Variants in NDST3 observed in about 807,000 individuals in gnomAD.
NDST3 encodes bifunctional heparan sulfate N-deacetylase/N-sulfotransferase 3.
A neutral mutation model predicts 96.1 loss-of-function variants in NDST3; 58 were observed. The ratio of observed to expected loss-of-function variants is 0.60; its 90% CI spans 0.49 to 0.75. The LOEUF is 0.75. Ranked by LOEUF, NDST3 falls within the 30% of genes least tolerant of loss-of-function variation. The probability of loss-of-function intolerance (pLI) is 0.00; values close to 1 mark genes in which losing one functional copy is unlikely to be tolerated. For synonymous variants in NDST3, 333 were observed against 359.7 expected, an observed-to-expected ratio of 0.93 and a Z score of 0.84; for missense variants, 788 against 1,034.2, an observed-to-expected ratio of 0.76 and a Z score of 3.27.
intron 2 of NDST3, among the ~76,000 whole-genome samples, chr4:118,090,933 A>G (rs1461518328): frequency 2.6e-5 from 4 of 151,876 alleles, no homozygotes; most frequent in Admixed American, 6.6e-5. Context: ...TACAAATTAA[A>G]CAAAAAACTT....
chr4:118,150,166 T>A (rs1734284533), intron 6 of NDST3, among the ~76,000 whole-genome samples: 1 of 152,102 alleles, frequency 6.6e-6, no homozygotes, highest in African/African-American at 2.4e-5. Flanking sequence ...GCCAGTATTT[T>A]ATTGAGGATT....
chr4:118,254,323 T>A (rs1741974244), intron 13 of NDST3, among the ~76,000 whole-genome samples: 1 of 152,060 alleles, frequency 6.6e-6, no homozygotes, highest in Non-Finnish European at 1.5e-5. Flanking sequence ...TGGGCAGTAA[T>A]GTAAGTTACT....
chr4:118,253,173 A>T lies in NDST3; in HGVS notation c.2400-326A>T, dbSNP rs150686214. On this transcript the variant is annotated intron_variant, in intron 12 of 13. Transcript: ENST00000296499. ...GACTTGTTTTTAAACCCAAAAAAAA[A>T]TTTGAATATTTATGCATTTTTTCCT... 5.2e-3 allele frequency among the ~76,000 whole-genome samples: 785 copies of T among 152,298 alleles called. 6 individuals carry two copies. Among genetic ancestry groups the T allele is most frequent in the African/African-American group, 0.018 (743 of 41,566 alleles).
intron 9 of NDST3, among the ~76,000 whole-genome samples, chr4:118,235,103 G>A (rs1213472694): frequency 6.7e-6 from 1 of 149,908 alleles, no homozygotes; most frequent in Non-Finnish European, 1.5e-5. Context: ...AATAAATGTG[G>A]AGTATTGCAA....
At chr4:118,057,779 G>C (rs894337543) in intron 2 of NDST3, among the ~76,000 whole-genome samples, 1 of 152,020 alleles carries the variant, frequency 6.6e-6, no homozygotes, top group Non-Finnish European at 1.5e-5. Flanking sequence ...TTGACTAAGG[G>C]GGTCAAGATG....
chr4:118,074,773 C>A (rs1311760741), intron 2 of NDST3, among the ~76,000 whole-genome samples: 2 of 151,936 alleles, frequency 1.3e-5, no homozygotes, highest in African/African-American at 4.8e-5. Context: ...AAATTTGATC[C>A]TCTCATTGTG....
At chr4:118,190,730 C>G (rs760461191) in intron 6 of NDST3, among the ~76,000 whole-genome samples, 1 of 152,150 alleles carries the variant, frequency 6.6e-6, no homozygotes, top group Non-Finnish European at 1.5e-5. Flanking sequence ...TGCATAGTTG[C>G]TGGTCTAGGC....
At chr4:118,192,549 C>G (rs1369303352) in intron 6 of NDST3, among the ~76,000 whole-genome samples, 2 of 152,000 alleles carry the variant, frequency 1.3e-5, no homozygotes, top group African/African-American at 4.8e-5. Context: ...TGTCTTTTCC[C>G]CAGTGTATGT....
intron 5 of NDST3, 139 bp from the exon 6 acceptor site, chr4:118,143,417 A>G (rs751242927): frequency 2.6e-6 from 2 of 757,352 alleles, no homozygotes; most frequent in Non-Finnish European, 4.2e-6. Flanking sequence ...TGCCTAGAGT[A>G]TGATAGATTG....
At chr4:118,220,714 C>G (rs1169599406) in intron 6 of NDST3, among the ~76,000 whole-genome samples, 7 of 152,018 alleles carry the variant, frequency 4.6e-5, no homozygotes, top group Admixed American at 2.0e-4. Flanking sequence ...AACATCACCA[C>G]ACATCTGTCA....
Position 118,126,034 on chromosome 4 carries a change from C to T in NDST3, c.1224+11074C>T, listed in dbSNP as rs112016683. 4.6e-5 allele frequency among the ~76,000 whole-genome samples: 7 copies of T among 152,144 alleles called. 1 individual carries two copies. The highest frequency in any genetic ancestry group is 1.4e-4 in the African/African-American group (6 of 41,544). On this transcript the variant is annotated intron_variant, in intron 4 of 13. Transcript: ENST00000296499. Reference sequence around the variant, plus strand: ...CAGTGATTGCGGCTACTACAGGACTCCTTCCACAGGTGCCAGAGGTTCCAC... The same window carrying T: ...CAGTGATTGCGGCTACTACAGGACTTCTTCCACAGGTGCCAGAGGTTCCAC...
intron 2 of NDST3, among the ~76,000 whole-genome samples, chr4:118,078,369 G>T (rs1261338021): frequency 6.6e-6 from 1 of 152,148 alleles, no homozygotes; most frequent in Non-Finnish European, 1.5e-5. Context: ...AGACTGAAAG[G>T]CTTCTCATCA....
Position 118,065,993 on chromosome 4 carries a change from G to A in NDST3, c.981+11102G>A, listed in dbSNP as rs139246761. On this transcript the variant is annotated intron_variant, in intron 2 of 13. Transcript: ENST00000296499. Reference sequence around the variant, plus strand: ...TGTAGAAATTAGACCAACTTGTTGAGGCACTGAACAAAGATCTATCCTCAA... The same window carrying A: ...TGTAGAAATTAGACCAACTTGTTGAAGCACTGAACAAAGATCTATCCTCAA... Among the ~76,000 whole-genome samples the A allele has an allele frequency of 7.2e-4, 102 of 141,936 alleles. 1 individual carries two copies. Among genetic ancestry groups the A allele is most frequent in the Non-Finnish European group, 1.3e-3 (87 of 66,442 alleles). The allele number at this position is 141,936 out of a possible 152,430, so 93.1% of individuals were successfully genotyped here.
At chr4:118,251,129 T>G (rs1476446066) in intron 12 of NDST3, among the ~76,000 whole-genome samples, 1 of 110,386 alleles carries the variant, frequency 9.1e-6, no homozygotes, top group Non-Finnish European at 1.9e-5. Context: ...ATTTTTATTT[T>G]ATTTTTTTTT....
chr4:118,057,349 TC>T (rs1411511644), intron 2 of NDST3, among the ~76,000 whole-genome samples: 1 of 152,016 alleles, frequency 6.6e-6, no homozygotes, highest in Non-Finnish European at 1.5e-5. Flanking sequence ...GCAGAGCATT[TC>T]ACAGGTAGTT....
At chr4:118,231,166 T>C (rs973621879) in intron 8 of NDST3, among the ~76,000 whole-genome samples, 1 of 151,748 alleles carries the variant, frequency 6.6e-6, no homozygotes, top group Admixed American at 6.6e-5. Context: ...TGAAACCCCG[T>C]CTCTACTAAA....
Position 118,053,861 on chromosome 4 carries a change from T to C in NDST3, c.-50T>C. 1 of 1,522,752 alleles carries C rather than the reference T, an allele frequency of 6.6e-7. No individual in the cohort carries two copies. The highest frequency in any genetic ancestry group is 8.8e-7 in the Non-Finnish European group (1 of 1,139,626). The allele number at this position is 1,522,752 out of a possible 1,614,324, so 94.3% of individuals were successfully genotyped here. A position where few individuals can be genotyped will look rare whatever the true frequency, so the allele number is the denominator to read the frequency against. The stretch of plus-strand genomic sequence containing the variant: ...GTAGCTGGAACACCATCTTTTCTTT[T>C]AACTTTTTATGGTGCTTCTGTTGGC... On this transcript the variant is annotated 5_prime_UTR_variant, in exon 2 of 14. Coordinates refer to ENST00000296499, the MANE Select transcript of NDST3 (RefSeq NM_004784.3).
intron 6 of NDST3, among the ~76,000 whole-genome samples, chr4:118,220,052 C>T (rs1248945706): frequency 6.6e-6 from 1 of 152,084 alleles, no homozygotes; most frequent in Non-Finnish European, 1.5e-5. Context: ...TTGTGGAAGA[C>T]AGTGTGGCAA....
chr4:118,136,973 T>G (rs191613824), intron 4 of NDST3, among the ~76,000 whole-genome samples: 1 of 152,282 alleles, frequency 6.6e-6, no homozygotes, highest in East Asian at 1.9e-4. Context: ...GGCAAGCTGT[T>G]TTCTTTCTGC....
Sources: gnomAD v4.1 joint callset for allele counts (sites outside exome capture counted in the v4.1 genomes callset) on GRCh38, gnomAD v4.1.1 for gene constraint, MANE v1.5 for transcripts, NCBI Gene and HGNC (gene_info 2026-07-23, HGNC 2026-07-21) for gene names.